Variants in TBC1D9 observed in about 807,000 individuals in gnomAD.
TBC1D9 encodes the protein TBC1 domain family member 9A.
Under a neutral mutation model 132.0 loss-of-function variants are expected in TBC1D9, and 63 were observed. That is an observed-to-expected ratio of 0.48 (90% CI 0.39 to 0.59). The LOEUF is 0.59. TBC1D9 is among the 20% of genes least tolerant of loss of function. The pLI is 0.00. For missense variants in TBC1D9, 1,261 were observed against 1,592.7 expected (o/e 0.79, Z 3.54); for synonymous variants, 610 against 609.9 (o/e 1.00, Z 0.00).
intron 1 of TBC1D9, among the ~76,000 whole-genome samples, chr4:140,751,785 C>T (rs1020627319): frequency 2.0e-5 from 3 of 152,116 alleles, no homozygotes; most frequent in African/African-American, 7.2e-5. Flanking sequence ...GAGACTTGAA[C>T]AATCATATCT....
intron 8 of TBC1D9, 113 bp from the exon 9 acceptor site, chr4:140,669,180 G>C (rs1449098953): frequency 1.9e-6 from 2 of 1,064,924 alleles, no homozygotes; most frequent in African/African-American, 3.2e-5. Flanking sequence ...ATTCCAGAAA[G>C]AAGTCATGAG....
intron 1 of TBC1D9, among the ~76,000 whole-genome samples, chr4:140,711,958 A>T (rs1226780031): frequency 6.6e-6 from 1 of 152,204 alleles, no homozygotes; most frequent in African/African-American, 2.4e-5. Flanking sequence ...ATGTACATTC[A>T]ATACATTTAT....
chr4:140,645,872 G>C (rs1037713596), intron 13 of TBC1D9, among the ~76,000 whole-genome samples: 1 of 152,142 alleles, frequency 6.6e-6, no homozygotes, highest in African/African-American at 2.4e-5. Context: ...CACTGTATTC[G>C]GTCCTCCATG....
chr4:140,647,223 G>A (rs1173989496), intron 13 of TBC1D9, among the ~76,000 whole-genome samples: 1 of 152,224 alleles, frequency 6.6e-6, no homozygotes, highest in Non-Finnish European at 1.5e-5. Flanking sequence ...AATAACTTTA[G>A]TGAGTCTAGA....
At chr4:140,644,481 G>A in intron 13 of TBC1D9, 1 of 298,680 alleles carries the variant, frequency 3.3e-6, no homozygotes, top group Non-Finnish European at 6.5e-6. Flanking sequence ...ATAGATGCTC[G>A]CAGGGCCGGC....
intron 13 of TBC1D9, among the ~76,000 whole-genome samples, chr4:140,654,085 C>T (rs1162457235): frequency 1.3e-5 from 2 of 152,248 alleles, no homozygotes; most frequent in Non-Finnish European, 2.9e-5. Context: ...AAATTGAACA[C>T]TTGAACAAAA....
intron 15 of TBC1D9, among the ~76,000 whole-genome samples, chr4:140,638,550 G>A (rs1410273500): frequency 6.6e-6 from 1 of 151,726 alleles, no homozygotes; most frequent in Non-Finnish European, 1.5e-5. Flanking sequence ...AGTTAGCCGG[G>A]TGTGGTGGTG....
chr4:140,700,712 G>A (rs917262061), intron 2 of TBC1D9: 2 of 151,640 alleles, frequency 1.3e-5, no homozygotes, highest in Non-Finnish European at 2.9e-5. Flanking sequence ...CCCAGCTACT[G>A]GGGAGGCTGA....
At position 140,679,746 on chromosome 4, in the gene TBC1D9, C is replaced by A; in HGVS notation, c.458G>T (p.Gly153Val). Residue 153 changes from glycine (G) to valine (V), a missense_variant, in exon 4 of 21, where the codon GGG becomes GTG. Physicochemically the swap from Gly to Val is moderately radical, Grantham distance 109. Transcript: ENST00000442267. ...EAIVKFHRLF[G>V]MPEEEKLVNY... is the part of the protein sequence containing the mutation. ...GACGAGTTTCTCTTCCTCTGGCATC[C>A]CAAACAGCCTATGAAATTTCACAAT... The A allele has an allele frequency of 6.2e-7, 1 of 1,613,790 alleles. No homozygotes were observed. The highest frequency in any genetic ancestry group is 8.5e-7 in the Non-Finnish European group (1 of 1,179,796).
intron 3 of TBC1D9, among the ~76,000 whole-genome samples, chr4:140,686,065 C>T (rs1737774378): frequency 6.6e-6 from 1 of 152,086 alleles, no homozygotes; most frequent in Non-Finnish European, 1.5e-5. Flanking sequence ...ATTCCACATT[C>T]TGTGATGTAA....
intron 1 of TBC1D9, among the ~76,000 whole-genome samples, chr4:140,705,109 G>A (rs561331507): frequency 2.6e-5 from 4 of 152,298 alleles, no homozygotes; most frequent in South Asian, 2.1e-4. Flanking sequence ...GTGAATTGAG[G>A]TATGCAGTTG....
intron 16 of TBC1D9, among the ~76,000 whole-genome samples, chr4:140,629,527 A>G (rs1736759726): frequency 6.6e-6 from 1 of 152,166 alleles, no homozygotes; most frequent in African/African-American, 2.4e-5. Flanking sequence ...GTCTTCCTCA[A>G]GCTTATCTTT....
intron 13 of TBC1D9, among the ~76,000 whole-genome samples, chr4:140,654,509 T>C (rs1360188046): frequency 6.6e-6 from 1 of 151,814 alleles, no homozygotes; most frequent in African/African-American, 2.4e-5. Context: ...AATAAAAGAT[T>C]GATCAGATTA....
chr4:140,636,204 T>C (rs1736876957), intron 15 of TBC1D9, among the ~76,000 whole-genome samples: 2 of 152,128 alleles, frequency 1.3e-5, no homozygotes, highest in African/African-American at 4.8e-5. Flanking sequence ...GAAGGGCTAA[T>C]TTGGAAAGAG....
At chr4:140,627,027 G>A (rs575881656) in intron 18 of TBC1D9, among the ~76,000 whole-genome samples, 1 of 152,302 alleles carries the variant, frequency 6.6e-6, no homozygotes, top group South Asian at 2.1e-4. Context: ...AAAAATAGGT[G>A]GTGGGCTGGA....
chr4:140,711,092 T>G (rs1738236201), intron 1 of TBC1D9, among the ~76,000 whole-genome samples: 1 of 152,148 alleles, frequency 6.6e-6, no homozygotes, highest in Non-Finnish European at 1.5e-5. Context: ...ATTGAAGTTA[T>G]TAAAAAATTA....
Position 140,657,218 on chromosome 4 carries a change from T to C in TBC1D9, c.2216A>G (p.Asp739Gly), listed in dbSNP as rs755041811. 3 of 1,613,174 alleles carry C rather than the reference T, an allele frequency of 1.9e-6. No individual in the cohort carries two copies. Among genetic ancestry groups the C allele is most frequent in the Non-Finnish European group, 1.7e-6 (2 of 1,179,666 alleles). ...TGTGCTGTCTTTATTGGTCACACTGTCTAAATACCTGGAAGAAGAATGCAT... is the reference window on the plus strand; with the variant it reads ...TGTGCTGTCTTTATTGGTCACACTGCCTAAATACCTGGAAGAAGAATGCAT... ...EAMTVLGRYL[D>G]SVTNKDSTLP... Residue 739 changes from aspartate (D) to glycine (G), a missense_variant, in exon 13 of 21, where the codon GAC (aspartate) becomes GGC (glycine). This residue lies in a region of TBC1D9 where 618 missense variants were observed against 724.4 expected (regional missense o/e 0.85). Coordinates refer to ENST00000442267, the MANE Select transcript of TBC1D9 (RefSeq NM_015130.3).
At chr4:140,669,832 T>C in intron 7 of TBC1D9, 28 bp from the exon 8 acceptor site, 1 of 1,591,196 alleles carries the variant, frequency 6.3e-7, no homozygotes, top group East Asian at 2.3e-5. Flanking sequence ...AACAAGACAT[T>C]GGGAGGACAC....
chr4:140,682,405 T>G (rs1422714564), intron 3 of TBC1D9, among the ~76,000 whole-genome samples: 3 of 152,048 alleles, frequency 2.0e-5, no homozygotes, highest in Non-Finnish European at 4.4e-5. Context: ...CAGGCGTTGG[T>G]AGTGTTACTT....
Sources: gnomAD v4.1 joint callset for allele counts (sites outside exome capture counted in the v4.1 genomes callset) on GRCh38, gnomAD v4.1.1 for gene constraint, gnomAD v4.1.1 regional missense constraint, MANE v1.5 for transcripts, NCBI Gene and HGNC (gene_info 2026-07-23, HGNC 2026-07-21) for gene names.